OSMR: variants seen among roughly 807,000 people sequenced by gnomAD.
OSMR encodes oncostatin M receptor, also known as oncostatin-M-specific receptor subunit beta.
OSMR carries 81 observed loss-of-function variants against 99.9 expected under a neutral mutation model. That is an observed-to-expected ratio of 0.81 (90% CI 0.68 to 0.97). The LOEUF (loss-of-function observed/expected upper bound fraction) is 0.97. Among genes scored for constraint, OSMR ranks in the 50% least tolerant of loss-of-function variants. OSMR has a pLI of 0.00. For synonymous variants in OSMR, 406 were observed against 410.4 expected (o/e 0.99, Z 0.13); for missense variants, 1,099 against 1,153.4 (o/e 0.95, Z 0.68).
At chr5:38,884,184 G>A in intron 5 of OSMR, 73 bp downstream of exon 5, 8 of 1,173,476 alleles carry the variant, frequency 6.8e-6, no homozygotes, top group Non-Finnish European at 1.0e-5. Flanking sequence ...TTTACTAGAA[G>A]ACAAATAAAC....
chr5:38,888,275 G>A (rs1212240033), intron 7 of OSMR, among the ~76,000 whole-genome samples: 1 of 152,194 alleles, frequency 6.6e-6, no homozygotes, highest in African/African-American at 2.4e-5. Flanking sequence ...GCACCTTGAT[G>A]TTCTGCACAC....
chr5:38,890,757 A>C (rs567732095), intron 7 of OSMR, among the ~76,000 whole-genome samples: 2 of 152,230 alleles, frequency 1.3e-5, no homozygotes, highest in South Asian at 4.1e-4. Context: ...AAAGAGATAA[A>C]GAAGTTGGGA....
rs780187397 is a variant in OSMR at position 38,885,356 on chromosome 5, TGAG to T, written c.715_717del (p.Glu239del). The stretch of plus-strand genomic sequence containing the variant: ...TTTCCTTTGTATGGACAGAAGTACT[TGAG>T]GAGCCCAAGGACTTTTCTTGTGAAA... On this transcript the variant is annotated inframe_deletion, in exon 6 of 18. Transcript: ENST00000274276. 10 of 1,613,696 alleles carry T rather than the reference TGAG, an allele frequency of 6.2e-6. No homozygotes were observed. The African/African-American group carries it at 1.3e-4, about 22-fold the overall frequency.
At chr5:38,904,586 A>G in intron 9 of OSMR, 83 bp downstream of exon 9, 6 of 1,537,960 alleles carry the variant, frequency 3.9e-6, no homozygotes, top group Non-Finnish European at 5.4e-6. Context: ...TGGTTGTACC[A>G]AAAACTAAGA....
At chr5:38,875,001 T>G (rs942994633) in intron 2 of OSMR, among the ~76,000 whole-genome samples, 5 of 152,266 alleles carry the variant, frequency 3.3e-5, no homozygotes, top group African/African-American at 9.6e-5. Context: ...ATTTTTTCAG[T>G]ATTGGAGACT....
At chr5:38,895,581 C>T (rs1744452635) in intron 7 of OSMR, among the ~76,000 whole-genome samples, 1 of 152,020 alleles carries the variant, frequency 6.6e-6, no homozygotes, top group Non-Finnish European at 1.5e-5. Context: ...AATGTATTCC[C>T]ATTCTGTGGT....
intron 7 of OSMR, among the ~76,000 whole-genome samples, chr5:38,888,348 C>T (rs1743934420): frequency 7.1e-6 from 1 of 140,802 alleles, no homozygotes; most frequent in Non-Finnish European, 1.5e-5. Context: ...GAAGGCGGCC[C>T]GAATTGCCAT....
At chr5:38,854,464 CAA>C (rs1371255101) in intron 1 of OSMR, among the ~76,000 whole-genome samples, 24 of 152,126 alleles carry the variant, frequency 1.6e-4, no homozygotes, top group African/African-American at 5.3e-4. Context: ...TGAGATTTTG[CAA>C]AGAGACAAGA....
At chr5:38,859,984 T>G (rs1304743417) in intron 1 of OSMR, among the ~76,000 whole-genome samples, 1 of 152,148 alleles carries the variant, frequency 6.6e-6, no homozygotes, top group Non-Finnish European at 1.5e-5. Flanking sequence ...TTTTGTGGAG[T>G]CTAGGTTTTT....
intron 2 of OSMR, among the ~76,000 whole-genome samples, chr5:38,873,156 T>C (rs979532519): frequency 3.3e-5 from 5 of 152,252 alleles, no homozygotes; most frequent in African/African-American, 1.2e-4. Flanking sequence ...ATGGTACTTA[T>C]TATTCTGGCA....
chr5:38,865,504 G>A (rs1159935068), intron 1 of OSMR, among the ~76,000 whole-genome samples: 3 of 152,248 alleles, frequency 2.0e-5, no homozygotes, highest in South Asian at 4.1e-4. Flanking sequence ...ATATTTGGCT[G>A]TAATCAGCAT....
chr5:38,936,014 A>T (rs1747013320), downstream of OSMR, among the ~76,000 whole-genome samples: 1 of 152,204 alleles, frequency 6.6e-6, no homozygotes. Context: ...TCAAAACCTT[A>T]GTTTTCAATA....
chr5:38,877,841 T>G (rs950838293), intron 3 of OSMR, among the ~76,000 whole-genome samples: 15 of 152,222 alleles, frequency 9.9e-5, no homozygotes, highest in Admixed American at 7.9e-4. Context: ...AGTGGATTTT[T>G]TTATTTATTT....
intron 7 of OSMR, among the ~76,000 whole-genome samples, chr5:38,901,360 C>G (rs1030317928): frequency 2.0e-5 from 3 of 152,216 alleles, no homozygotes; most frequent in African/African-American, 7.2e-5. Context: ...ATGGAACCTA[C>G]TGGTCCCTTG....
At chr5:38,865,685 G>A (rs1741882395) in intron 1 of OSMR, among the ~76,000 whole-genome samples, 1 of 152,210 alleles carries the variant, frequency 6.6e-6, no homozygotes, top group Non-Finnish European at 1.5e-5. Context: ...CCCACCTGAT[G>A]TACATAAGCA....
At chr5:38,912,033 A>C (rs1332380757) in intron 9 of OSMR, among the ~76,000 whole-genome samples, 1 of 152,102 alleles carries the variant, frequency 6.6e-6, no homozygotes, top group African/African-American at 2.4e-5. Flanking sequence ...CACCACTCCT[A>C]TTCAATATAA....
At chr5:38,873,793 A>G (rs1300786327) in intron 2 of OSMR, among the ~76,000 whole-genome samples, 1 of 152,056 alleles carries the variant, frequency 6.6e-6, no homozygotes, top group East Asian at 1.9e-4. Flanking sequence ...TTCCTTGGAG[A>G]AATGTTCATT....
chr5:38,875,340 C>T (rs1742731623), intron 2 of OSMR, among the ~76,000 whole-genome samples: 1 of 152,212 alleles, frequency 6.6e-6, no homozygotes. Flanking sequence ...TAAGAATCAG[C>T]AGTGACTTAA....
At chr5:38,872,389 G>T (rs1455740272) in intron 2 of OSMR, among the ~76,000 whole-genome samples, 2 of 152,128 alleles carry the variant, frequency 1.3e-5, no homozygotes, top group East Asian at 3.9e-4. Flanking sequence ...ACCATAACTG[G>T]TATGTTCTTA....
Sources: allele counts gnomAD v4.1 joint callset (sites outside exome capture counted in the v4.1 genomes callset), GRCh38; gene constraint gnomAD v4.1.1; transcripts MANE v1.5; gene names NCBI Gene and HGNC (gene_info 2026-07-23, HGNC 2026-07-21).